The following TSC22D3 variants were observed in gnomAD, a reference collection of about 807,000 sequenced individuals.
The protein encoded by TSC22D3 is TSC22 domain family protein 3.
A neutral mutation model predicts 11.1 loss-of-function variants in TSC22D3; 4 were observed. That is an observed-to-expected ratio of 0.36 (90% CI 0.18 to 0.83). The LOEUF (loss-of-function observed/expected upper bound fraction) is 0.83. TSC22D3 is among the 40% of genes least tolerant of loss of function. TSC22D3 has a pLI of 0.48. For missense variants in TSC22D3, 118 were observed against 159.4 expected (o/e 0.74, Z 1.40); for synonymous variants, 77 against 70.3 (o/e 1.10, Z -0.48).
intron 2 of TSC22D3, among the ~76,000 whole-genome samples, chrX:107,715,092 C>G (rs754666179): frequency 2.1e-4 from 24 of 112,047 alleles, no homozygotes; most frequent in Non-Finnish European, 2.3e-4. Context: ...GCTATGTCCC[C>G]CTTTTTACAT....
Position 107,733,283 on chromosome X carries a change from A to T in TSC22D3, c.321-17333T>A, listed in dbSNP as rs144649026. Among the ~76,000 whole-genome samples, 365 of 112,052 alleles carry T rather than the reference A, an allele frequency of 3.3e-3. 1 individual carries two copies. The highest frequency in any genetic ancestry group is 0.019 in the Middle Eastern group (4 of 216). On this transcript the variant is annotated intron_variant, in intron 1 of 2. Transcript: ENST00000372383. ...GCACAAGTGCACAGGCATGCATAAC[A>T]TAGAGAGAGAGCATGCGCACTTTCT...
At chrX:107,731,383 C>T (rs1336667463) in intron 1 of TSC22D3, among the ~76,000 whole-genome samples, 2 of 111,881 alleles carry the variant, frequency 1.8e-5, no homozygotes, top group African/African-American at 6.5e-5. Flanking sequence ...ACTACCAGAA[C>T]AAACAACCTG....
intron 1 of TSC22D3, among the ~76,000 whole-genome samples, chrX:107,765,748 C>T (rs1929628731): frequency 9.0e-6 from 1 of 111,724 alleles, no homozygotes; most frequent in South Asian, 3.8e-4. Flanking sequence ...ACCAAAAAGG[C>T]AGAGGGGATA....
At chrX:107,771,053 C>T (rs769183013) in intron 1 of TSC22D3, among the ~76,000 whole-genome samples, 1 of 112,140 alleles carries the variant, frequency 8.9e-6, no homozygotes, top group African/African-American at 3.2e-5. Context: ...GTTTCCCTAC[C>T]TAATAAGGAC....
chrX:107,758,893 T>C (rs1929301490), intron 1 of TSC22D3, among the ~76,000 whole-genome samples: 1 of 110,869 alleles, frequency 9.0e-6, no homozygotes, highest in African/African-American at 3.3e-5. Flanking sequence ...TTTTTTTTCT[T>C]TTTTTGAGAT....
chrX:107,757,696 A>C (rs1929239838), intron 1 of TSC22D3, among the ~76,000 whole-genome samples: 2 of 99,172 alleles, frequency 2.0e-5, no homozygotes, highest in African/African-American at 3.8e-5. Flanking sequence ...CTTACCCCAC[A>C]CTCTCTTCCC....
intron 1 of TSC22D3, 34 bp from the exon 2 acceptor site, chrX:107,715,984 C>T (rs756693841): frequency 8.3e-7 from 1 of 1,203,808 alleles, no homozygotes; most frequent in South Asian, 1.8e-5. Flanking sequence ...ACCCATTACC[C>T]ACTCGGTTCT....
rs896174478 is a variant in TSC22D3, at chrX:107,714,541, G to A, written c.581C>T (p.Ala194Val). 2.4e-5 allele frequency: 29 copies of A among 1,211,159 alleles called. No individual in the cohort carries two copies. The highest frequency in any genetic ancestry group is 3.1e-5 in the Non-Finnish European group (28 of 895,066). Residue 194 changes from alanine (A) to valine (V), a missense_variant, in exon 3 of 3, where the codon GCC (alanine) becomes GTC (valine). By Grantham distance (64) the Ala-to-Val change is moderately conservative (BLOSUM62 0). Transcript: ENST00000372383. ...PAPESPQVPE[A>V]PGGSAV ...CACTTACACCGCAGAACCACCAGGG[G>A]CCTCGGGCACTTGTGGGGATTCGGG...
At chrX:107,746,435 C>T (rs1207405563) in intron 1 of TSC22D3, among the ~76,000 whole-genome samples, 1 of 111,059 alleles carries the variant, frequency 9.0e-6, no homozygotes, top group Non-Finnish European at 1.9e-5. Flanking sequence ...TACACACACA[C>T]TCATGCATGC....
chrX:107,756,447 G>C (rs1929179168), intron 1 of TSC22D3, among the ~76,000 whole-genome samples: 1 of 112,427 alleles, frequency 8.9e-6, no homozygotes, highest in African/African-American at 3.2e-5. Flanking sequence ...AAATCATCTT[G>C]CACACCACCA....
At chrX:107,722,439 G>A (rs1390105549) in intron 1 of TSC22D3, among the ~76,000 whole-genome samples, 3 of 112,190 alleles carry the variant, frequency 2.7e-5, no homozygotes, top group Non-Finnish European at 5.6e-5. Flanking sequence ...TACCCCTCCT[G>A]CCCTCACTCA....
intron 1 of TSC22D3, among the ~76,000 whole-genome samples, chrX:107,742,450 T>C (rs1316972634): frequency 9.0e-6 from 1 of 110,737 alleles, no homozygotes; most frequent in Non-Finnish European, 1.9e-5. Flanking sequence ...TTTGTTGTGG[T>C]TGATGCTGCC....
chrX:107,750,933 T>C, intron 1 of TSC22D3, among the ~76,000 whole-genome samples: 1 of 112,079 alleles, frequency 8.9e-6, no homozygotes, highest in Non-Finnish European at 1.9e-5. Flanking sequence ...AAACATCTGC[T>C]GCTGGTATTT....
intron 1 of TSC22D3, among the ~76,000 whole-genome samples, chrX:107,754,082 A>T (rs1407684610): frequency 5.5e-5 from 6 of 108,919 alleles, no homozygotes; most frequent in Non-Finnish European, 9.6e-5. Context: ...CGCCTAGCTA[A>T]TTTTTTTTTG....
At chrX:107,756,904 A>G (rs1246390339) in intron 1 of TSC22D3, among the ~76,000 whole-genome samples, 2 of 112,407 alleles carry the variant, frequency 1.8e-5, no homozygotes, top group African/African-American at 3.2e-5. Context: ...CAGAGCTCAC[A>G]TAGGCCCCTT....
intron 1 of TSC22D3, among the ~76,000 whole-genome samples, chrX:107,765,172 C>A (rs1241574535): frequency 8.9e-6 from 1 of 112,119 alleles, no homozygotes; most frequent in East Asian, 2.8e-4. Context: ...TGCTTTCCAT[C>A]GTGCCAAAGC....
rs1232034872 is a variant in TSC22D3, at chrX:107,742,260, T to TGAGA, written c.321-26314_321-26311dup. Among the ~76,000 whole-genome samples, 12 of 78,004 alleles carry TGAGA rather than the reference T, an allele frequency of 1.5e-4. No homozygotes were observed. In the Admixed American group the frequency reaches 1.8e-3, roughly 12 times the overall value. 67.7% of individuals were successfully genotyped at this position (78,004 alleles called of 115,157 possible). ...GCATATACTTTCAGGCACATGTATT[T>TGAGA]GAGAGAGAGAGAGAGAGAGAAAGAG... On this transcript the variant is annotated intron_variant, in intron 1 of 2. Transcript: ENST00000372383.
chrX:107,744,987 G>C (rs192007989), intron 1 of TSC22D3, among the ~76,000 whole-genome samples: 1 of 111,885 alleles, frequency 8.9e-6, no homozygotes, highest in East Asian at 2.8e-4. Context: ...AACAATTGGG[G>C]AGGCCAGTAT....
chrX:107,759,148 G>A (rs1929315469), intron 1 of TSC22D3, among the ~76,000 whole-genome samples: 1 of 111,399 alleles, frequency 9.0e-6, no homozygotes, highest in African/African-American at 3.3e-5. Context: ...TTACAGACGT[G>A]AGCCACTGTG....
Sources: allele counts gnomAD v4.1 joint callset (sites outside exome capture counted in the v4.1 genomes callset), GRCh38; gene constraint gnomAD v4.1.1; transcripts MANE v1.5; gene names NCBI Gene and HGNC (gene_info 2026-07-23, HGNC 2026-07-21).